The following PDE10A variants were observed in gnomAD, a reference collection of about 807,000 sequenced individuals.
PDE10A encodes phosphodiesterase 10A, also known as cAMP and cAMP-inhibited cGMP 3',5'-cyclic phosphodiesterase 10A.
PDE10A carries 39 observed loss-of-function variants against 97.7 expected under a neutral mutation model. That is an observed-to-expected ratio of 0.40 (90% CI 0.31 to 0.52). PDE10A has a LOEUF of 0.52. PDE10A is among the 20% of genes least tolerant of loss of function. PDE10A has a pLI of 0.56. For missense variants in PDE10A, 731 were observed against 1,047.8 expected (o/e 0.70, Z 4.17); for synonymous variants, 371 against 376.8 (o/e 0.98, Z 0.18).
intron 2 of PDE10A, among the ~76,000 whole-genome samples, chr6:165,529,456 A>G (rs1207301458): frequency 6.6e-6 from 1 of 152,178 alleles, no homozygotes; most frequent in East Asian, 1.9e-4. Flanking sequence ...TCCACCAGGG[A>G]AAAAACCATG....
chr6:165,456,979 A>T (rs1217841031), intron 3 of PDE10A, among the ~76,000 whole-genome samples: 1 of 152,234 alleles, frequency 6.6e-6, no homozygotes, highest in Non-Finnish European at 1.5e-5. Context: ...TACTACAAGA[A>T]TAAGCAAAAT....
intron 1 of PDE10A, among the ~76,000 whole-genome samples, chr6:165,939,146 A>T (rs1783432059): frequency 6.6e-6 from 1 of 152,246 alleles, no homozygotes; most frequent in South Asian, 2.1e-4. Flanking sequence ...AATATGTATA[A>T]TATCCTTCTT....
chr6:165,498,286 T>A (rs1167037203), intron 2 of PDE10A, among the ~76,000 whole-genome samples: 1 of 151,190 alleles, frequency 6.6e-6, no homozygotes, highest in Non-Finnish European at 1.5e-5. Context: ...GGCATGCACC[T>A]ATAGTCCTGG....
At chr6:165,560,820 G>T (rs1304363581) in intron 1 of PDE10A, among the ~76,000 whole-genome samples, 1 of 152,068 alleles carries the variant, frequency 6.6e-6, no homozygotes, top group Non-Finnish European at 1.5e-5. Context: ...TTAGAGGTGG[G>T]GGCTGCTGAG....
chr6:165,495,565 A>G (rs949031247), intron 2 of PDE10A, among the ~76,000 whole-genome samples: 1 of 152,186 alleles, frequency 6.6e-6, no homozygotes, highest in Admixed American at 6.5e-5. Context: ...TAAATGCAAC[A>G]AAGTGTTACA....
At chr6:165,857,734 TGTGA>T (rs33995220) in intron 1 of PDE10A, among the ~76,000 whole-genome samples, 4,086 of 92,246 alleles carry the variant, frequency 0.044, 96 homozygotes, top group East Asian at 0.18. Flanking sequence ...TGTGTGTGTG[TGTGA>T]AGAATGATTG....
intron 1 of PDE10A, among the ~76,000 whole-genome samples, chr6:165,703,552 A>G (rs1396657325): frequency 6.6e-6 from 1 of 152,250 alleles, no homozygotes; most frequent in African/African-American, 2.4e-5. Flanking sequence ...ACTGAGTTCA[A>G]AAAATTGTTT....
chr6:165,595,928 C>G (rs551290376), intron 1 of PDE10A, among the ~76,000 whole-genome samples: 1 of 152,282 alleles, frequency 6.6e-6, no homozygotes, highest in South Asian at 2.1e-4. Context: ...TGATTATGTT[C>G]AACATATGAA....
At chr6:165,494,720 A>G (rs2128290583) in intron 2 of PDE10A, among the ~76,000 whole-genome samples, 1 of 152,212 alleles carries the variant, frequency 6.6e-6, no homozygotes, top group African/African-American at 2.4e-5. Context: ...TAATTGACTG[A>G]TAATTTCCTT....
chr6:165,436,994 AT>A (rs1224683046), intron 5 of PDE10A, among the ~76,000 whole-genome samples: 1 of 152,188 alleles, frequency 6.6e-6, no homozygotes, highest in Non-Finnish European at 1.5e-5. Flanking sequence ...ATTGACAACG[AT>A]TTTCTCAAAC....
intron 1 of PDE10A, among the ~76,000 whole-genome samples, chr6:165,782,114 T>A (rs544612077): frequency 6.6e-6 from 1 of 152,244 alleles, no homozygotes; most frequent in Admixed American, 6.5e-5. Context: ...AATTAAAGTA[T>A]GTTCACCTTG....
chr6:165,396,392 C>T lies in PDE10A; in HGVS notation c.2144G>A (p.Ser715Asn), dbSNP rs777596042. The change falls in exon 14 of 22, where the codon AGC becomes AAC. Residue 715 changes from serine (S) to asparagine (N), a missense_variant. Ser to Asn is a conservative substitution (Grantham distance 46). Transcript: ENST00000539869. ...TTGCCACTCTTCTGAAGTACAAATG[C>T]TATGGTAGGACAGCTTTTCCATCGT... ...RVTMEKLSYH[S>N]ICTSEEWQGL... 6.2e-7 allele frequency: 1 copy of T among 1,613,296 alleles called. No homozygotes were observed. The highest frequency in any genetic ancestry group is 8.5e-7 in the Non-Finnish European group (1 of 1,179,500).
chr6:165,387,148 C>T (rs16897792), intron 17 of PDE10A, among the ~76,000 whole-genome samples: 27,702 of 152,160 alleles, frequency 0.18, 3,013 homozygotes, highest in African/African-American at 0.29. Context: ...CTTTCACGAC[C>T]AAACTGAACC....
intron 1 of PDE10A, among the ~76,000 whole-genome samples, chr6:165,745,774 C>A (rs1158455565): frequency 1.3e-5 from 2 of 152,042 alleles, no homozygotes; most frequent in Non-Finnish European, 2.9e-5. Flanking sequence ...CAAAATATTA[C>A]CAAGTTTTGT....
At chr6:165,947,499 T>C (rs1256399679) in intron 1 of PDE10A, among the ~76,000 whole-genome samples, 1 of 152,208 alleles carries the variant, frequency 6.6e-6, no homozygotes, top group Non-Finnish European at 1.5e-5. Context: ...TCTTTTAAAA[T>C]AGAGCTTTCT....
At chr6:165,975,004 G>A (rs1305232252) in intron 1 of PDE10A, among the ~76,000 whole-genome samples, 1 of 152,224 alleles carries the variant, frequency 6.6e-6, no homozygotes, top group Admixed American at 6.5e-5. Context: ...GGGATTGTGA[G>A]GGTGTTACCT....
At chr6:165,438,836 T>C (rs929036196) in intron 5 of PDE10A, among the ~76,000 whole-genome samples, 4 of 151,654 alleles carry the variant, frequency 2.6e-5, no homozygotes, top group Admixed American at 6.6e-5. Flanking sequence ...TGCATGCCTG[T>C]AGCACTAGCT....
At chr6:165,523,962 C>A (rs922569846) in intron 2 of PDE10A, among the ~76,000 whole-genome samples, 3 of 152,114 alleles carry the variant, frequency 2.0e-5, no homozygotes, top group Non-Finnish European at 4.4e-5. Context: ...ATAAGGTGGG[C>A]ACCATCTAAT....
At chr6:165,403,319 A>G (rs1352061433) in intron 13 of PDE10A, among the ~76,000 whole-genome samples, 3 of 152,196 alleles carry the variant, frequency 2.0e-5, no homozygotes, top group Admixed American at 2.0e-4. Flanking sequence ...ACTGGCTTGC[A>G]AGAGCCAATT....
Sources: gnomAD v4.1 joint callset for allele counts (sites outside exome capture counted in the v4.1 genomes callset) on GRCh38, gnomAD v4.1.1 for gene constraint, MANE v1.5 for transcripts, NCBI Gene and HGNC (gene_info 2026-07-23, HGNC 2026-07-21) for gene names.